CADM2: variants seen among roughly 807,000 people sequenced by gnomAD.
The protein encoded by CADM2 is cell adhesion molecule 2, also known as immunoglobulin superfamily member 4D.
A neutral mutation model predicts 49.8 loss-of-function variants in CADM2; 12 were observed. The observed-to-expected ratio is 0.24, with a 90% CI of 0.15 to 0.39. CADM2 has a LOEUF of 0.39. Among genes scored for constraint, CADM2 ranks in the 10% least tolerant of loss-of-function variants. CADM2 has a pLI of 1.00. For missense variants in CADM2, 378 were observed against 492.3 expected (o/e 0.77, Z 2.20); for synonymous variants, 214 against 175.4 (o/e 1.22, Z -1.74).
At chr3:85,547,008 T>A (rs907988391) in intron 1 of CADM2, among the ~76,000 whole-genome samples, 1 of 152,088 alleles carries the variant, frequency 6.6e-6, no homozygotes, top group Non-Finnish European at 1.5e-5. Context: ...AAAAGAAATT[T>A]ATTTTTCTTA....
chr3:85,119,410 T>C (rs2038769077), intron 1 of CADM2, among the ~76,000 whole-genome samples: 1 of 152,210 alleles, frequency 6.6e-6, no homozygotes. Flanking sequence ...GCTTGTAGTA[T>C]AGTTTAAAGT....
chr3:85,053,636 AG>A (rs2035968530), intron 1 of CADM2, among the ~76,000 whole-genome samples: 1 of 151,958 alleles, frequency 6.6e-6, no homozygotes, highest in Non-Finnish European at 1.5e-5. Flanking sequence ...TCAAGCAAAA[AG>A]GCCCATTCTA....
chr3:85,390,763 T>C (rs1205742610), intron 1 of CADM2, among the ~76,000 whole-genome samples: 1 of 152,070 alleles, frequency 6.6e-6, no homozygotes. Context: ...TTCTCAAGTC[T>C]CAACTAGCTT....
chr3:85,226,026 C>T (rs2042152721), intron 1 of CADM2, among the ~76,000 whole-genome samples: 1 of 152,190 alleles, frequency 6.6e-6, no homozygotes, highest in African/African-American at 2.4e-5. Flanking sequence ...AGGATTTTCA[C>T]ATCAATCTTC....
chr3:85,006,805 T>TA (rs891271812), intron 1 of CADM2, among the ~76,000 whole-genome samples: 14 of 151,938 alleles, frequency 9.2e-5, no homozygotes, highest in South Asian at 2.1e-4. Context: ...AGATAAAATA[T>TA]AAAAAAAATC....
At chr3:85,608,336 A>G (rs1205903970) in intron 1 of CADM2, among the ~76,000 whole-genome samples, 1 of 152,136 alleles carries the variant, frequency 6.6e-6, no homozygotes, top group Non-Finnish European at 1.5e-5. Context: ...CTATGGGTAG[A>G]TTTTGTAAAA....
Position 85,538,736 on chromosome 3 carries a change from G to A in CADM2, c.62-187786G>A, listed in dbSNP as rs571519999. Among the ~76,000 whole-genome samples the A allele has an allele frequency of 4.1e-3, 617 of 151,992 alleles. 1 individual carries two copies. Among genetic ancestry groups the A allele is most frequent in the Non-Finnish European group, 7.5e-3 (511 of 67,960 alleles). ...TGGTGTTAAAATCACTCCCATTCAC[G>A]GCTTCTGTGGGAGATTTGATTCTTT... is the stretch of plus-strand genomic sequence containing the variant. On this transcript the variant is annotated intron_variant, in intron 1 of 9. Transcript: ENST00000383699.
intron 1 of CADM2, among the ~76,000 whole-genome samples, chr3:85,723,837 A>G (rs2107775080): frequency 6.6e-6 from 1 of 152,150 alleles, no homozygotes; most frequent in South Asian, 2.1e-4. Context: ...ATTGTTCCAA[A>G]ACTTTATAAG....
At chr3:85,161,747 G>A (rs567565268) in intron 1 of CADM2, among the ~76,000 whole-genome samples, 1 of 152,248 alleles carries the variant, frequency 6.6e-6, no homozygotes, top group South Asian at 2.1e-4. Context: ...GCTGGGTGCG[G>A]TGACTCATGC....
At chr3:85,381,122 T>C (rs2033880182) in intron 1 of CADM2, among the ~76,000 whole-genome samples, 1 of 152,060 alleles carries the variant, frequency 6.6e-6, no homozygotes, top group Non-Finnish European at 1.5e-5. Flanking sequence ...TGTGTGTATG[T>C]GTATGTACGT....
chr3:85,079,979 A>G (rs2037102371), intron 1 of CADM2, among the ~76,000 whole-genome samples: 1 of 151,998 alleles, frequency 6.6e-6, no homozygotes, highest in African/African-American at 2.4e-5. Context: ...CCAAAAAATG[A>G]AAAAGGAAAA....
rs397990427 is a variant in CADM2, at chr3:85,859,224, C to CTTTTTTT, written c.239-24047_239-24041dup. Among the ~76,000 whole-genome samples the CTTTTTTT allele has an allele frequency of 7.1e-5, 5 of 70,596 alleles. 1 individual carries two copies. The highest frequency in any genetic ancestry group is 1.2e-4 in the African/African-American group (2 of 17,032). The allele number at this position is 70,596 out of a possible 152,430, so 46.3% of individuals were successfully genotyped here. On this transcript the variant is annotated intron_variant, in intron 3 of 9. Transcript: ENST00000383699. ...TACCTTGTGCTTTTCTTTTTTTTGT[C>CTTTTTTT]TTTTTTTTTTTTTTTTTTTTTTTTT...
chr3:85,164,099 C>T (rs1487322645), intron 1 of CADM2, among the ~76,000 whole-genome samples: 1 of 151,882 alleles, frequency 6.6e-6, no homozygotes, highest in African/African-American at 2.4e-5. Context: ...TATCTTTGAA[C>T]AAATTGCTGC....
intron 1 of CADM2, among the ~76,000 whole-genome samples, chr3:85,072,168 T>C (rs1308173227): frequency 6.6e-6 from 1 of 151,938 alleles, no homozygotes; most frequent in Non-Finnish European, 1.5e-5. Context: ...CATTCTTTTC[T>C]CATGTATTAT....
chr3:85,725,023 A>T (rs2067644743), intron 1 of CADM2, among the ~76,000 whole-genome samples: 1 of 151,928 alleles, frequency 6.6e-6, no homozygotes, highest in Non-Finnish European at 1.5e-5. Context: ...TACTTTAAAA[A>T]AAATCTTCAC....
rs1288282804 is a variant in CADM2 at position 86,070,334 on chromosome 3, T to C, written c.*3551T>C. On this transcript the variant is annotated 3_prime_UTR_variant, in exon 10 of 10. Transcript: ENST00000383699. ...TTCATATAGGCACATGTATAGCAGC[T>C]GTTTGACAGTGATGGCTCTTCCATG... is the stretch of plus-strand genomic sequence containing the variant. 3.9e-5 allele frequency: 6 copies of C among 151,984 alleles called. No individual in the cohort carries two copies. The highest frequency in any genetic ancestry group is 6.6e-5 in the Admixed American group (1 of 15,238). 9.4% of individuals were successfully genotyped at this position (151,984 alleles called of 1,614,324 possible). A position where few individuals can be genotyped will look rare whatever the true frequency, so the allele number is the denominator to read the frequency against.
At chr3:85,195,193 A>T (rs2041311936) in intron 1 of CADM2, among the ~76,000 whole-genome samples, 1 of 152,176 alleles carries the variant, frequency 6.6e-6, no homozygotes, top group African/African-American at 2.4e-5. Flanking sequence ...TTTTATAGTA[A>T]GACTTGGAAT....
intron 1 of CADM2, among the ~76,000 whole-genome samples, chr3:85,079,836 A>AGAT (rs1367874810): frequency 2.6e-5 from 4 of 151,940 alleles, no homozygotes; most frequent in Non-Finnish European, 5.9e-5. Context: ...ATACCCCTTT[A>AGAT]GATAATGCAT....
chr3:85,684,444 CAGAGAGAGAG>C (rs112163774), intron 1 of CADM2, among the ~76,000 whole-genome samples: 1 of 148,682 alleles, frequency 6.7e-6, no homozygotes, highest in Non-Finnish European at 1.5e-5. Flanking sequence ...CACACTTTGA[CAGAGAGAGAG>C]AGAGAGAGAG....
Sources: gnomAD v4.1 joint callset for allele counts (sites outside exome capture counted in the v4.1 genomes callset) on GRCh38, gnomAD v4.1.1 for gene constraint, MANE v1.5 for transcripts, NCBI Gene and HGNC (gene_info 2026-07-23, HGNC 2026-07-21) for gene names.